Variants in PCDHGA9 observed in about 807,000 individuals in gnomAD.
PCDHGA9 encodes protocadherin gamma-A9.
Under a neutral mutation model 62.5 loss-of-function variants are expected in PCDHGA9, and 37 were observed. That is an observed-to-expected ratio of 0.59 (90% CI 0.46 to 0.78). The LOEUF (loss-of-function observed/expected upper bound fraction) is 0.78, where lower values mean the gene tolerates loss of function less well. Ranked by LOEUF, PCDHGA9 falls within the 30% of genes least tolerant of loss-of-function variation. PCDHGA9 has a pLI of 0.00. For synonymous variants in PCDHGA9, 459 were observed against 484.6 expected, an observed-to-expected ratio of 0.95 and a Z score of 0.69; for missense variants, 1,138 against 1,166.2, an observed-to-expected ratio of 0.98 and a Z score of 0.35.
At chr5:141,484,620 C>G (rs536622819) in intron 1 of PCDHGA9, among the ~76,000 whole-genome samples, 25 of 151,974 alleles carry the variant, frequency 1.6e-4, no homozygotes, top group African/African-American at 6.0e-4. Flanking sequence ...ACAACACTGG[C>G]TTGAACAAAG....
At chr5:141,422,090 A>T (rs762413085) in intron 1 of PCDHGA9, 1 of 1,611,852 alleles carries the variant, frequency 6.2e-7, no homozygotes, top group East Asian at 2.2e-5. Context: ...ATGGAAAGCA[A>T]GGCTTCTGAA....
At chr5:141,460,961 A>ATG (rs35821115) in intron 1 of PCDHGA9, among the ~76,000 whole-genome samples, 128 of 144,610 alleles carry the variant, frequency 8.9e-4, no homozygotes, top group Middle Eastern at 7.1e-3. Context: ...GTATATATAT[A>ATG]TGTGTGTGTG....
chr5:141,423,574 C>T (rs953989787), intron 1 of PCDHGA9: 2 of 1,613,328 alleles, frequency 1.2e-6, no homozygotes, highest in Non-Finnish European at 1.7e-6. Flanking sequence ...GCTCATCAGC[C>T]AGGAGAGCTG....
At position 141,432,289 on chromosome 5, in the gene PCDHGA9, C is replaced by A. The variant is rs762278053; in HGVS notation, c.2424+26913C>A. 2 of 1,614,148 alleles carry A rather than the reference C, an allele frequency of 1.2e-6. No individual in the cohort carries two copies. Among genetic ancestry groups the A allele is most frequent in the African/African-American group, 2.7e-5 (2 of 74,952 alleles). On this transcript the variant is annotated intron_variant, in intron 1 of 3. Coordinates refer to ENST00000573521, the MANE Select transcript of PCDHGA9 (RefSeq NM_018921.3). The surrounding 1 kb of genome is among the most constrained non-coding windows in gnomAD (Gnocchi z 6.0). ...CGTCCTACGTGTCCATCAACTCCGA[C>A]ACTGGGGTACTGTATGCGCTGAGCT...
intron 1 of PCDHGA9, chr5:141,421,959 A>G (rs2096614103): frequency 1.9e-6 from 3 of 1,612,798 alleles, no homozygotes; most frequent in East Asian, 2.2e-5. Flanking sequence ...CAATGTTTAC[A>G]CAGTCCGTAT....
At chr5:141,418,599 A>G in intron 1 of PCDHGA9, 1 of 1,614,054 alleles carries the variant, frequency 6.2e-7, no homozygotes, top group South Asian at 1.1e-5. Flanking sequence ...CAGGACGTGT[A>G]CAGGGTTAGC....
rs934366037 is a variant in PCDHGA9, at chr5:141,408,906, C to T, written c.2424+3530C>T. On this transcript the variant is annotated intron_variant, in intron 1 of 3. Transcript: ENST00000573521. Reference sequence around the variant, plus strand: ...CACATAGAAATTTCTGTCAAGGATACCAATGATAACCCCCCGGTTTTCAGC... The same window carrying T: ...CACATAGAAATTTCTGTCAAGGATATCAATGATAACCCCCCGGTTTTCAGC... 2.5e-6 allele frequency: 4 copies of T among 1,613,136 alleles called. No homozygotes were observed. The African/African-American group carries it at 4.0e-5, about 16-fold the overall frequency.
chr5:141,421,901 G>C (rs754277661), intron 1 of PCDHGA9: 1 of 1,613,724 alleles, frequency 6.2e-7, no homozygotes, highest in East Asian at 2.2e-5. Flanking sequence ...ATCCGAAAGG[G>C]CGCAGTTCCC....
rs781651287 is a variant in PCDHGA9, at chr5:141,505,380, A to G, written c.2484-13A>G. ...CCTGGGAGTCTGTGCTCACCATCCT[A>G]CTCTCTCCCCAGCTCCCAAAATGGC... On this transcript the variant is annotated splice_polypyrimidine_tract_variant and intron_variant, in intron 2 of 3. Transcript: ENST00000573521. The G allele has an allele frequency of 4.3e-6, 7 of 1,613,362 alleles. No homozygotes were observed. The African/African-American group carries it at 5.4e-5, about 12-fold the overall frequency.
At position 141,485,100 on chromosome 5, in the gene PCDHGA9, C is replaced by G. The variant is rs900224386; in HGVS notation, c.2425-9707C>G. 1.0e-5 allele frequency: 12 copies of G among 1,148,882 alleles called. No homozygotes were observed. Among genetic ancestry groups the G allele is most frequent in the Non-Finnish European group, 1.4e-5 (11 of 778,894 alleles). 71.2% of individuals were successfully genotyped at this position (1,148,882 alleles called of 1,614,324 possible). On this transcript the variant is annotated intron_variant, in intron 1 of 3. Coordinates refer to ENST00000573521, the MANE Select transcript of PCDHGA9 (RefSeq NM_018921.3). This position sits in a 1 kb window ranked among gnomAD's most constrained non-coding sequence, Gnocchi z 5.7. ...GGGAAAGGGAGATAGGTGTCTCCAG[C>G]TGCTGTGGCTGTTTGGGGCGGGTCG...
At chr5:141,481,323 C>T (rs539518691) in intron 1 of PCDHGA9, among the ~76,000 whole-genome samples, 1 of 152,284 alleles carries the variant, frequency 6.6e-6, no homozygotes, top group Non-Finnish European at 1.5e-5. Flanking sequence ...AAAGCACTAG[C>T]CCCTGGACAA....
In PCDHGA9 at chr5:141,422,020, G is replaced by T. The variant is rs374562798; in HGVS notation, c.2424+16644G>T. The T allele has an allele frequency of 1.3e-5, 21 of 1,610,932 alleles. No individual in the cohort carries two copies. The East Asian group carries it at 3.8e-4, about 29-fold the overall frequency. On this transcript the variant is annotated intron_variant, in intron 1 of 3. Transcript: ENST00000573521. ...CAGCTCCGGAACTCGGGTGCTGATG[G>T]TTAATGCAACGGATCCAGACGAGGG...
At chr5:141,439,190 C>CA (rs200519543) in intron 1 of PCDHGA9, among the ~76,000 whole-genome samples, 17,650 of 111,626 alleles carry the variant, frequency 0.16, 1,295 homozygotes, top group African/African-American at 0.25. Context: ...GAGACTCTGA[C>CA]AAAAAAAAAA....
Position 141,489,712 on chromosome 5 carries a change from C to G in PCDHGA9, c.2425-5095C>G. On this transcript the variant is annotated intron_variant, in intron 1 of 3. Transcript: ENST00000573521. The surrounding 1 kb of genome is among the most constrained non-coding windows in gnomAD (Gnocchi z 4.5). ...GGCACGATTCCCACTGGACAGTGCC[C>G]AGGATCCGGATGTGGGCACCAATAC... The G allele has an allele frequency of 6.2e-7, 1 of 1,614,162 alleles. No individual in the cohort carries two copies. Among genetic ancestry groups the G allele is most frequent in the South Asian group, 1.1e-5 (1 of 91,078 alleles).
intron 1 of PCDHGA9, chr5:141,414,008 A>G (rs753686379): frequency 4.3e-6 from 7 of 1,613,188 alleles, no homozygotes; most frequent in Middle Eastern, 1.6e-4. Context: ...GAAGGTGCCA[A>G]TGGAGAAGTG....
Position 141,512,089 on chromosome 5 carries a change from T to C in PCDHGA9, c.*916T>C, listed in dbSNP as rs1292597067. 6.6e-6 allele frequency: 1 copy of C among 152,606 alleles called. No individual in the cohort carries two copies. Among genetic ancestry groups the C allele is most frequent in the Non-Finnish European group, 1.5e-5 (1 of 68,068 alleles). 9.5% of individuals were successfully genotyped at this position (152,606 alleles called of 1,614,324 possible). A position where few individuals can be genotyped will look rare whatever the true frequency, so the allele number is the denominator to read the frequency against. ...CCTCCAGATTCCAGCCATAAACCAA[T>C]AACTAGGCTGGACCCTTCCCACTAC... On this transcript the variant is annotated 3_prime_UTR_variant, in exon 4 of 4. Coordinates refer to ENST00000573521, the MANE Select transcript of PCDHGA9 (RefSeq NM_018921.3).
In PCDHGA9 at chr5:141,405,114, C is replaced by T; in HGVS notation, c.2162C>T (p.Ser721Phe). 6.2e-7 allele frequency: 1 copy of T among 1,613,970 alleles called. No individual in the cohort carries two copies. Among genetic ancestry groups the T allele is most frequent in the Non-Finnish European group, 8.5e-7 (1 of 1,179,862 alleles). Residue 721 changes from serine to phenylalanine, a missense_variant, in exon 1 of 4, where the codon TCC becomes TTC. Ser to Phe is a radical substitution (Grantham distance 155). Transcript: ENST00000573521. ...LLALRLRHWH[S>F]SHLLRATSDG... ...GCCCTCAGGCTGAGGCACTGGCACT[C>T]CTCGCATCTGCTGCGGGCTACCAGT... is the stretch of plus-strand genomic sequence containing the variant.
chr5:141,409,803 C>T (rs779815582), intron 1 of PCDHGA9: 3 of 1,611,528 alleles, frequency 1.9e-6, no homozygotes, highest in African/African-American at 1.3e-5. Flanking sequence ...ACGCTGCAGG[C>T]CCGCGACCAC....
chr5:141,464,144 A>G (rs1305530394), intron 1 of PCDHGA9, among the ~76,000 whole-genome samples: 1 of 152,030 alleles, frequency 6.6e-6, no homozygotes, highest in South Asian at 2.1e-4. Context: ...GGGCGCCTGT[A>G]GTCCCAGCTA....
Sources: allele counts gnomAD v4.1 joint callset (sites outside exome capture counted in the v4.1 genomes callset), GRCh38; gene constraint gnomAD v4.1.1; non-coding constraint Gnocchi (gnomAD v3.1); transcripts MANE v1.5; gene names NCBI Gene and HGNC (gene_info 2026-07-23, HGNC 2026-07-21).